Variants in FARS2 observed in about 807,000 individuals in gnomAD.
FARS2 encodes the protein phenylalanine--tRNA ligase, mitochondrial.
FARS2 carries 40 observed loss-of-function variants against 46.4 expected under a neutral mutation model. The ratio of observed to expected loss-of-function variants is 0.86; its 90% CI spans 0.67 to 1.12. FARS2 has a LOEUF of 1.12. Ranked by LOEUF, FARS2 falls within the 50% of genes most tolerant of loss-of-function variation. The pLI is 0.00. For synonymous variants in FARS2, 234 were observed against 214.9 expected (o/e 1.09, Z -0.78); for missense variants, 513 against 567.9 (o/e 0.90, Z 0.98).
chr6:5,330,074 T>C (rs925482261), intron 1 of FARS2, among the ~76,000 whole-genome samples: 4 of 152,076 alleles, frequency 2.6e-5, no homozygotes, highest in African/African-American at 4.8e-5. Flanking sequence ...CAAAATATAC[T>C]CCTAGCTTCC....
At chr6:5,440,620 A>T (rs1280371485) in intron 4 of FARS2, among the ~76,000 whole-genome samples, 2 of 152,240 alleles carry the variant, frequency 1.3e-5, no homozygotes, top group South Asian at 2.1e-4. Flanking sequence ...CCTTACCAAT[A>T]TTGAACATTA....
intron 1 of FARS2, among the ~76,000 whole-genome samples, chr6:5,268,148 G>A (rs1397871951): frequency 1.3e-5 from 2 of 151,962 alleles, no homozygotes; most frequent in African/African-American, 2.4e-5. Flanking sequence ...CTCCCATTCT[G>A]TAGGTTGCCT....
At chr6:5,316,563 A>C (rs766735668) in intron 1 of FARS2, among the ~76,000 whole-genome samples, 2 of 152,222 alleles carry the variant, frequency 1.3e-5, no homozygotes, top group African/African-American at 4.8e-5. Context: ...GACCGGAAGC[A>C]GAAGTCCAAG....
chr6:5,497,074 G>T (rs1008995387), intron 4 of FARS2, among the ~76,000 whole-genome samples: 1 of 152,174 alleles, frequency 6.6e-6, no homozygotes, highest in Non-Finnish European at 1.5e-5. Context: ...CAATATAAAA[G>T]TAAGGCTAAC....
At chr6:5,443,076 G>A (rs1481667774) in intron 4 of FARS2, among the ~76,000 whole-genome samples, 1 of 152,176 alleles carries the variant, frequency 6.6e-6, no homozygotes, top group Non-Finnish European at 1.5e-5. Flanking sequence ...ATGCTTGCCA[G>A]ATATATAAAG....
chr6:5,403,245 C>T (rs1008224053), intron 2 of FARS2, among the ~76,000 whole-genome samples: 13 of 152,168 alleles, frequency 8.5e-5, no homozygotes, highest in Admixed American at 7.2e-4. Context: ...AGATCATCTT[C>T]GTAGCCTGAA....
rs74342226 is a variant in FARS2 at position 5,453,793 on chromosome 6, A to T, written c.904+22621A>T. ...AATTTTTGAAGGAGCTCACAGTGCC[A>T]GTGGGTAGTCTAGGCATAAACACAT... is the stretch of plus-strand genomic sequence containing the variant. On this transcript the variant is annotated intron_variant, in intron 4 of 6. Coordinates refer to ENST00000274680, the MANE Select transcript of FARS2 (RefSeq NM_006567.5). Among the ~76,000 whole-genome samples the T allele has an allele frequency of 3.5e-3, 527 of 152,304 alleles. 8 individuals are homozygous for T. The highest frequency in any genetic ancestry group is 0.012 in the African/African-American group (497 of 41,560).
intron 6 of FARS2, among the ~76,000 whole-genome samples, chr6:5,707,061 C>G (rs1395890529): frequency 6.6e-6 from 1 of 152,214 alleles, no homozygotes; most frequent in African/African-American, 2.4e-5. Flanking sequence ...TGCTCTCACT[C>G]ACTTCTATTC....
chr6:5,428,057 AAACAG>A (rs1276947093), intron 3 of FARS2, among the ~76,000 whole-genome samples: 1 of 152,206 alleles, frequency 6.6e-6, no homozygotes, highest in Non-Finnish European at 1.5e-5. Context: ...GGGTGTGTGT[AAACAG>A]GGACCTGTCT....
chr6:5,668,996 C>T (rs1183326771), intron 6 of FARS2, among the ~76,000 whole-genome samples: 1 of 151,962 alleles, frequency 6.6e-6, no homozygotes, highest in African/African-American at 2.4e-5. Context: ...ACACCCAGCC[C>T]ACGTTGAGCA....
At chr6:5,741,088 C>T (rs979178465) in intron 6 of FARS2, among the ~76,000 whole-genome samples, 2 of 152,204 alleles carry the variant, frequency 1.3e-5, no homozygotes, top group Non-Finnish European at 1.5e-5. Flanking sequence ...CACCAACCTC[C>T]GCATCCCGAG....
chr6:5,292,740 T>C (rs558405632), intron 1 of FARS2, among the ~76,000 whole-genome samples: 8 of 152,148 alleles, frequency 5.3e-5, no homozygotes, highest in Non-Finnish European at 8.8e-5. Context: ...GAAATACAAA[T>C]ATTTAAGAGA....
chr6:5,347,187 TA>T (rs1278847342), intron 1 of FARS2, among the ~76,000 whole-genome samples: 1 of 152,218 alleles, frequency 6.6e-6, no homozygotes, highest in African/African-American at 2.4e-5. Flanking sequence ...GTGTGGGGAT[TA>T]CAGGCGTGAG....
intron 2 of FARS2, among the ~76,000 whole-genome samples, chr6:5,397,861 GTCTT>G (rs1761002806): frequency 6.6e-6 from 1 of 152,054 alleles, no homozygotes; most frequent in Non-Finnish European, 1.5e-5. Context: ...TTGTTACTCA[GTCTT>G]TCTTTATCAT....
intron 6 of FARS2, among the ~76,000 whole-genome samples, chr6:5,713,063 T>C (rs1421886957): frequency 1.3e-5 from 2 of 152,248 alleles, no homozygotes; most frequent in Non-Finnish European, 2.9e-5. Flanking sequence ...TTGCCTCCAG[T>C]GTGCAGTCAC....
At chr6:5,742,123 G>A (rs900031717) in intron 6 of FARS2, among the ~76,000 whole-genome samples, 16 of 152,266 alleles carry the variant, frequency 1.1e-4, no homozygotes, top group African/African-American at 2.9e-4. Context: ...GAATAGGTAC[G>A]TTGGCGTCAG....
intron 5 of FARS2, among the ~76,000 whole-genome samples, chr6:5,572,548 C>T (rs544867723): frequency 1.3e-5 from 2 of 152,222 alleles, no homozygotes; most frequent in East Asian, 3.9e-4. Context: ...GCCTCCCATA[C>T]AAATGTACGA....
chr6:5,628,691 CA>C (rs1776151268), intron 6 of FARS2, among the ~76,000 whole-genome samples: 1 of 152,234 alleles, frequency 6.6e-6, no homozygotes, highest in Non-Finnish European at 1.5e-5. Flanking sequence ...ATGTGGTGAA[CA>C]GAGATGAGAG....
chr6:5,629,023 G>C lies in FARS2; in HGVS notation c.1217+15703G>C, dbSNP rs1582624880. ...GAGGCTGAGGTGACCATTTCAGTAT[G>C]AACTGAAAATGGCTTTTTTCCTTAT... On this transcript the variant is annotated intron_variant, in intron 6 of 6. Transcript: ENST00000274680. 2.0e-5 allele frequency among the ~76,000 whole-genome samples: 3 copies of C among 152,178 alleles called. No individual in the cohort carries two copies. In the East Asian group the frequency reaches 5.8e-4, roughly 29 times the overall value.
Sources: allele counts gnomAD v4.1 joint callset (sites outside exome capture counted in the v4.1 genomes callset), GRCh38; gene constraint gnomAD v4.1.1; transcripts MANE v1.5; gene names NCBI Gene and HGNC (gene_info 2026-07-23, HGNC 2026-07-21).